Variants in SCN9A observed in about 807,000 individuals in gnomAD.
The protein encoded by SCN9A is sodium voltage-gated channel alpha subunit 9.
SCN9A carries 131 observed loss-of-function variants against 187.0 expected under a neutral mutation model. The ratio of observed to expected loss-of-function variants is 0.70; its 90% CI spans 0.61 to 0.81. SCN9A has a LOEUF of 0.81. Ranked by LOEUF, SCN9A falls within the 30% of genes least tolerant of loss-of-function variation. SCN9A has a pLI of 0.00. For synonymous variants in SCN9A, 809 were observed against 808.6 expected (o/e 1.00, Z -0.01); for missense variants, 2,252 against 2,396.6 (o/e 0.94, Z 1.26).
chr2:166,257,882 TA>T (rs1696347502), intron 17 of SCN9A, among the ~76,000 whole-genome samples: 1 of 151,560 alleles, frequency 6.6e-6, no homozygotes, highest in Admixed American at 6.6e-5. Context: ...ATATTGCCTC[TA>T]AATCCCCACC....
chr2:166,335,615 C>G (rs1192970689), intron 1 of SCN9A, among the ~76,000 whole-genome samples: 1 of 152,106 alleles, frequency 6.6e-6, no homozygotes, highest in Non-Finnish European at 1.5e-5. Flanking sequence ...ATGTTCGGGA[C>G]TGGGAGTTTA....
In SCN9A at chr2:166,325,381, G is replaced by T. The variant is rs115435826; in HGVS notation, c.-50-13575C>A. On this transcript the variant is annotated intron_variant, in intron 1 of 26. Transcript: ENST00000642356. ...GGAGATCCATTAGAAATGCTGATCAGTTTTCTTAAAGTAATCATGCCTGGG... is the reference window on the plus strand; with the variant it reads ...GGAGATCCATTAGAAATGCTGATCATTTTTCTTAAAGTAATCATGCCTGGG... Among the ~76,000 whole-genome samples the T allele has an allele frequency of 4.5e-3, 691 of 152,190 alleles. 6 individuals are homozygous for T. Among genetic ancestry groups the T allele is most frequent in the African/African-American group, 0.016 (653 of 41,540 alleles).
chr2:166,344,952 T>C (rs897755728), intron 1 of SCN9A, among the ~76,000 whole-genome samples: 2 of 152,188 alleles, frequency 1.3e-5, no homozygotes, highest in Non-Finnish European at 1.5e-5. Flanking sequence ...AGAAGCTTTT[T>C]CTCGAGGAAC....
chr2:166,359,962 C>T (rs1700238318), intron 1 of SCN9A, among the ~76,000 whole-genome samples: 1 of 151,592 alleles, frequency 6.6e-6, no homozygotes, highest in Non-Finnish European at 1.5e-5. Flanking sequence ...TGGCTCACGC[C>T]TATAATCCCA....
chr2:166,238,883 T>C (rs1010066143), intron 19 of SCN9A, among the ~76,000 whole-genome samples: 3 of 152,246 alleles, frequency 2.0e-5, no homozygotes, highest in African/African-American at 7.2e-5. Flanking sequence ...ATCACTGTTC[T>C]ATTCTCTCCA....
chr2:166,306,824 T>C (rs919119679), intron 3 of SCN9A, 132 bp downstream of exon 3: 1 of 642,722 alleles, frequency 1.6e-6, no homozygotes. Context: ...CAAATTATAT[T>C]AATAATACTG....
At chr2:166,350,478 A>G (rs1473639023) in intron 1 of SCN9A, among the ~76,000 whole-genome samples, 1 of 152,228 alleles carries the variant, frequency 6.6e-6, no homozygotes, top group Non-Finnish European at 1.5e-5. Flanking sequence ...ATTTAAGAAT[A>G]TGAGAAGTTT....
chr2:166,371,030 G>C (rs963236593), intron 1 of SCN9A, among the ~76,000 whole-genome samples: 3 of 151,998 alleles, frequency 2.0e-5, no homozygotes, highest in African/African-American at 7.2e-5. Context: ...TCTAACACTT[G>C]ACATAACAAG....
chr2:166,350,155 T>G (rs1244742948), intron 1 of SCN9A, among the ~76,000 whole-genome samples: 1 of 152,184 alleles, frequency 6.6e-6, no homozygotes, highest in African/African-American at 2.4e-5. Flanking sequence ...TCAACTATGA[T>G]GTCAATAAAA....
At chr2:166,338,683 T>C (rs1699691393) in intron 1 of SCN9A, among the ~76,000 whole-genome samples, 1 of 152,194 alleles carries the variant, frequency 6.6e-6, no homozygotes. Context: ...TGCATTTAGT[T>C]GTTATACCTC....
chr2:166,284,451 A>C lies in SCN9A; in HGVS notation c.1974+2T>G, dbSNP rs751525914. ...TGCCTGAGCTATGTAAAACGTCCTT[A>C]CGCTGTCATCAGAAGTTGCCTTATC... On this transcript the variant is annotated splice_donor_variant, in intron 12 of 26. Transcript: ENST00000642356. LOFTEE classifies it high-confidence loss of function. The C allele has an allele frequency of 6.2e-7, 1 of 1,607,102 alleles. No individual in the cohort carries two copies. Among genetic ancestry groups the C allele is most frequent in the East Asian group, 2.2e-5 (1 of 44,596 alleles).
intron 1 of SCN9A, among the ~76,000 whole-genome samples, chr2:166,313,458 T>G (rs1163554383): frequency 1.3e-5 from 2 of 152,236 alleles, no homozygotes; most frequent in African/African-American, 4.8e-5. Context: ...CTGTTTCACC[T>G]TGCATTTTTA....
At chr2:166,305,710 C>A (rs1410738921) in intron 5 of SCN9A, 82 bp downstream of exon 5, 3 of 1,568,044 alleles carry the variant, frequency 1.9e-6, no homozygotes, top group Non-Finnish European at 1.7e-6. Context: ...AAAATCAGAC[C>A]CCAGAGGTTT....
At chr2:166,291,433 A>T (rs1698065657) in intron 9 of SCN9A, among the ~76,000 whole-genome samples, 2 of 152,322 alleles carry the variant, frequency 1.3e-5, no homozygotes, top group African/African-American at 4.8e-5. Flanking sequence ...GAGGACACAA[A>T]CAAATGGAAA....
intron 17 of SCN9A, among the ~76,000 whole-genome samples, chr2:166,255,948 A>G (rs1163110917): frequency 6.6e-6 from 1 of 151,480 alleles, no homozygotes; most frequent in African/African-American, 2.4e-5. Context: ...TTTACGGTCA[A>G]TATCTATAAT....
chr2:166,270,496 A>G (rs1294717423), intron 17 of SCN9A, among the ~76,000 whole-genome samples: 1 of 152,000 alleles, frequency 6.6e-6, no homozygotes, highest in Non-Finnish European at 1.5e-5. Flanking sequence ...CTTGGAAAAA[A>G]TGTCCTTGGC....
At chr2:166,241,071 G>C (rs1227111514) in intron 19 of SCN9A, among the ~76,000 whole-genome samples, 2 of 152,080 alleles carry the variant, frequency 1.3e-5, no homozygotes, top group Non-Finnish European at 2.9e-5. Context: ...TCTGACCCAA[G>C]CACCTCATAT....
intron 26 of SCN9A, among the ~76,000 whole-genome samples, chr2:166,202,049 A>G (rs1693562981): frequency 6.6e-6 from 1 of 151,790 alleles, no homozygotes; most frequent in South Asian, 2.1e-4. Context: ...TTATTAATTT[A>G]TAAGAACAAT....
chr2:166,299,218 ATGCCAGC>A (rs1698452700), intron 7 of SCN9A, among the ~76,000 whole-genome samples: 1 of 143,642 alleles, frequency 7.0e-6, no homozygotes, highest in Admixed American at 6.7e-5. Flanking sequence ...ATTTTTTTAA[ATGCCAGC>A]CATTTGCCCC....
Sources: allele counts gnomAD v4.1 joint callset (sites outside exome capture counted in the v4.1 genomes callset), GRCh38; gene constraint gnomAD v4.1.1; transcripts MANE v1.5; gene names NCBI Gene and HGNC (gene_info 2026-07-23, HGNC 2026-07-21).